The following INSR variants were observed in gnomAD, a reference collection of about 807,000 sequenced individuals.
INSR encodes insulin receptor.
INSR carries 67 observed loss-of-function variants against 142.6 expected under a neutral mutation model. The observed-to-expected ratio is 0.47, with a 90% CI of 0.39 to 0.58. INSR has a LOEUF of 0.58. Among genes scored for constraint, INSR ranks in the 20% least tolerant of loss-of-function variants. INSR has a pLI of 0.00. For missense variants in INSR, 1,248 were observed against 1,833.2 expected (o/e 0.68, Z 5.83); for synonymous variants, 756 against 743.1 (o/e 1.02, Z -0.28).
intron 12 of INSR, among the ~76,000 whole-genome samples, 168 bp downstream of exon 12, chr19:7,142,648 G>A (rs987061126): frequency 8.6e-5 from 13 of 151,958 alleles, no homozygotes; most frequent in Admixed American, 3.9e-4. Context: ...AGCTGAGGTC[G>A]CACCACTGTA....
In INSR at chr19:7,267,844, C is replaced by A; in HGVS notation, c.153G>T (p.Glu51Asp). ...AGTGTCCTTCGATGACAGAGCAATT[C>A]TCCAGCTCATGCAACCTAGTGAGGT... ...RNNLTRLHEL[E>D]NCSVIEGHLQ... The change falls in exon 2 of 22, where the codon GAG becomes GAT. Residue 51 changes from glutamate to aspartate, a missense_variant. Transcript: ENST00000302850. The surrounding 1 kb of genome is among the most constrained non-coding windows in gnomAD (Gnocchi z 6.3). 1 of 1,614,094 alleles carries A rather than the reference C, an allele frequency of 6.2e-7. No homozygotes were observed. Among genetic ancestry groups the A allele is most frequent in the Non-Finnish European group, 8.5e-7 (1 of 1,180,022 alleles).
At chr19:7,235,911 A>T (rs2145137570) in intron 2 of INSR, among the ~76,000 whole-genome samples, 1 of 151,896 alleles carries the variant, frequency 6.6e-6, no homozygotes, top group South Asian at 2.1e-4. Flanking sequence ...TAGAACTCTC[A>T]TACATTGCTG....
Position 7,119,668 on chromosome 19 carries a change from GCACA to G in INSR, c.3660-89_3660-86del, listed in dbSNP as rs1043788178. ...CGCGCGCAAACACACACACGCAAACGCACACACACACGCAAACACACATGCCAAC... is the reference window on the plus strand; with the variant it reads ...CGCGCGCAAACACACACACGCAAACGCACACACGCAAACACACATGCCAAC... On this transcript the variant is annotated intron_variant, in intron 20 of 21. Coordinates refer to ENST00000302850, the MANE Select transcript of INSR (RefSeq NM_000208.4). The surrounding 1 kb of genome is among the most constrained non-coding windows in gnomAD (Gnocchi z 5.2). 2.1e-6 allele frequency: 3 copies of G among 1,439,276 alleles called. No individual in the cohort carries two copies. The South Asian group carries it at 3.5e-5, about 17-fold the overall frequency. The allele number at this position is 1,439,276 out of a possible 1,614,324, so 89.2% of individuals were successfully genotyped here.
At chr19:7,117,780 T>G (rs1317808063) in intron 21 of INSR, among the ~76,000 whole-genome samples, 1 of 151,888 alleles carries the variant, frequency 6.6e-6, no homozygotes, top group East Asian at 1.9e-4. Flanking sequence ...CTAATTTTTG[T>G]ATTTTTTGCA....
At chr19:7,196,429 C>T (rs7257748) in intron 2 of INSR, among the ~76,000 whole-genome samples, 2,511 of 152,224 alleles carry the variant, frequency 0.016, 71 homozygotes, top group African/African-American at 0.058. Flanking sequence ...TGCAATTTTT[C>T]CGTAAGCTTG....
Position 7,192,198 on chromosome 19 carries a change from A to G in INSR, c.653-7561T>C, listed in dbSNP as rs28451164. Among the ~76,000 whole-genome samples, 1 of 150,016 alleles carries G rather than the reference A, an allele frequency of 6.7e-6. No homozygotes were observed. The highest frequency in any genetic ancestry group is 6.7e-5 in the Admixed American group (1 of 14,998). Reference sequence around the variant, plus strand: ...AGAGAAAGAAAAGAAAAAAGAAAGAAAAAGAAAGAAAGGAGAAAGAAAAGA... The same window carrying G: ...AGAGAAAGAAAAGAAAAAAGAAAGAGAAAGAAAGAAAGGAGAAAGAAAAGA... On this transcript the variant is annotated intron_variant, in intron 2 of 21. Coordinates refer to ENST00000302850, the MANE Select transcript of INSR (RefSeq NM_000208.4). The surrounding 1 kb of genome is among the most constrained non-coding windows in gnomAD (Gnocchi z 4.2).
At chr19:7,240,832 G>C (rs1976317245) in intron 2 of INSR, among the ~76,000 whole-genome samples, 1 of 152,206 alleles carries the variant, frequency 6.6e-6, no homozygotes, top group South Asian at 2.1e-4. Flanking sequence ...TCCAGGCTAT[G>C]TGTATAAGAT....
chr19:7,178,253 G>T (rs981055614), intron 3 of INSR, among the ~76,000 whole-genome samples: 1 of 128,622 alleles, frequency 7.8e-6, no homozygotes, highest in African/African-American at 2.9e-5. Flanking sequence ...TGGGGGGGGG[G>T]GTGCCTAGAT....
At chr19:7,226,107 T>C (rs1975770707) in intron 2 of INSR, among the ~76,000 whole-genome samples, 1 of 152,066 alleles carries the variant, frequency 6.6e-6, no homozygotes, top group African/African-American at 2.4e-5. Context: ...AAAAGGAAAA[T>C]TAAAAATGTC....
intron 15 of INSR, among the ~76,000 whole-genome samples, chr19:7,128,225 T>C (rs1193941764): frequency 6.6e-6 from 1 of 151,128 alleles, no homozygotes; most frequent in Non-Finnish European, 1.5e-5. Context: ...TTTTTTTTTT[T>C]TTCCCGAGAC....
intron 2 of INSR, among the ~76,000 whole-genome samples, chr19:7,252,272 C>A (rs968172347): frequency 6.6e-6 from 1 of 152,004 alleles, no homozygotes. Flanking sequence ...AGTAGCCAGG[C>A]GTGGTGGTGT....
intron 2 of INSR, among the ~76,000 whole-genome samples, chr19:7,233,507 G>A (rs977980032): frequency 3.3e-5 from 5 of 151,886 alleles, no homozygotes; most frequent in African/African-American, 9.7e-5. Flanking sequence ...CCCTGACCCC[G>A]AGTGCTGGGA....
intron 17 of INSR, among the ~76,000 whole-genome samples, chr19:7,124,229 C>T (rs1433538416): frequency 3.3e-5 from 5 of 151,238 alleles, no homozygotes; most frequent in East Asian, 3.9e-4. Flanking sequence ...ATTAGCTGGG[C>T]GTGGTGGCAG....
chr19:7,117,110 G>A lies in INSR; in HGVS notation c.4095C>T (p.Asn1365=), dbSNP rs888018132. The change falls in exon 22 of 22, where the codon AAC becomes AAT. Residue 1365 remains asparagine (N), a synonymous_variant. Coordinates refer to ENST00000302850, the MANE Select transcript of INSR (RefSeq NM_000208.4). ...GAATCCGCCCGTTTTTCTTGCCTCC[G>A]TTCATGTGTGTGTAAGGGATGTGTT... The part of the protein sequence containing the change: ...YEEHIPYTHM[N]GGKKNGRILT... The A allele has an allele frequency of 1.4e-5, 23 of 1,614,094 alleles. No homozygotes were observed. The highest frequency in any genetic ancestry group is 4.5e-5 in the East Asian group (2 of 44,880).
At chr19:7,154,479 T>C (rs1291249447) in intron 9 of INSR, among the ~76,000 whole-genome samples, 1 of 150,072 alleles carries the variant, frequency 6.7e-6, no homozygotes, top group Non-Finnish European at 1.5e-5. Context: ...ATTTGTTGTA[T>C]TTTTAGTAGA....
Position 7,117,383 on chromosome 19 carries a change from T to C in INSR, c.3822A>G (p.Gln1274=). The change falls in exon 22 of 22, where the codon CAA becomes CAG. Residue 1274 remains glutamine, a synonymous_variant. Coordinates refer to ENST00000302850, the MANE Select transcript of INSR (RefSeq NM_000208.4). The part of the protein sequence containing the change: ...RVTDLMRMCW[Q]FNPKMRPTFL... ...AGGTTGGCCTCATCTTGGGGTTGAA[T>C]TGCCAGCACATGCGCATGAGGTCAG... The C allele has an allele frequency of 6.2e-7, 1 of 1,614,004 alleles. No individual in the cohort carries two copies. Among genetic ancestry groups the C allele is most frequent in the Non-Finnish European group, 8.5e-7 (1 of 1,179,960 alleles).
At chr19:7,165,569 A>C (rs1231960474) in intron 8 of INSR, among the ~76,000 whole-genome samples, 1 of 151,988 alleles carries the variant, frequency 6.6e-6, no homozygotes, top group African/African-American at 2.4e-5. Context: ...GCTCCTTTAA[A>C]AGCCAATAAC....
intron 2 of INSR, among the ~76,000 whole-genome samples, chr19:7,250,911 A>T (rs1273591787): frequency 6.6e-6 from 1 of 151,244 alleles, no homozygotes. Flanking sequence ...GATCAGCAAC[A>T]CTCAGACTGG....
At chr19:7,148,096 T>C (rs1973226942) in intron 11 of INSR, among the ~76,000 whole-genome samples, 1 of 152,032 alleles carries the variant, frequency 6.6e-6, no homozygotes, top group African/African-American at 2.4e-5. Flanking sequence ...GTATTTTTAG[T>C]AGAGACGGGG....
Sources: gnomAD v4.1 joint callset for allele counts (sites outside exome capture counted in the v4.1 genomes callset) on GRCh38, gnomAD v4.1.1 for gene constraint, Gnocchi (gnomAD v3.1) non-coding constraint, MANE v1.5 for transcripts, NCBI Gene and HGNC (gene_info 2026-07-23, HGNC 2026-07-21) for gene names.